Variants in HMMR observed in about 807,000 individuals in gnomAD.
HMMR encodes the protein hyaluronan mediated motility receptor.
Under a neutral mutation model 101.0 loss-of-function variants are expected in HMMR, and 108 were observed. That is an observed-to-expected ratio of 1.07 (90% CI 0.92 to 1.25). HMMR has a LOEUF of 1.25. Ranked by LOEUF, HMMR falls within the 50% of genes most tolerant of loss-of-function variation. The probability of loss-of-function intolerance (pLI) is 0.00; values close to 1 mark genes in which losing one functional copy is unlikely to be tolerated. For synonymous variants in HMMR, 296 were observed against 276.4 expected (o/e 1.07, Z -0.70); for missense variants, 813 against 788.7 (o/e 1.03, Z -0.37).
intron 16 of HMMR, among the ~76,000 whole-genome samples, chr5:163,489,760 T>C (rs299318): frequency 0.9 from 137,600 of 152,164 alleles, 62,729 homozygotes; most frequent in South Asian, 0.98. Flanking sequence ...AGGATATAAC[T>C]GCAGCCACAG....
intron 1 of HMMR, among the ~76,000 whole-genome samples, chr5:163,461,224 A>G (rs1483257582): frequency 6.6e-6 from 1 of 152,234 alleles, no homozygotes; most frequent in African/African-American, 2.4e-5. Flanking sequence ...AACATAAACA[A>G]TGAAGTTATG....
At position 163,471,416 on chromosome 5, in the gene HMMR, G is replaced by T; in HGVS notation, c.603G>T (p.Arg201Ser). The stretch of plus-strand genomic sequence containing the variant: ...AGATGAAGCTGCAGGTCACCCAAAG[G>T]AGTCTCGAAGAGTCTCAAGGGAAAA... Reference protein sequence around the residue: ...GMEMKLQVTQRSLEESQGKIA... With the variant: ...GMEMKLQVTQSSLEESQGKIA... The change falls in exon 7 of 18, where the codon AGG (arginine) becomes AGT (serine). Residue 201 changes from arginine (R) to serine (S), a missense_variant. By Grantham distance (110) the Arg-to-Ser change is moderately radical (BLOSUM62 -1). Transcript: ENST00000393915. 1 of 1,613,984 alleles carries T rather than the reference G, an allele frequency of 6.2e-7. No homozygotes were observed. The highest frequency in any genetic ancestry group is 8.5e-7 in the Non-Finnish European group (1 of 1,179,966).
intron 1 of HMMR, among the ~76,000 whole-genome samples, chr5:163,460,994 C>T (rs1034100165): frequency 1.3e-5 from 2 of 152,120 alleles, no homozygotes; most frequent in African/African-American, 2.4e-5. Flanking sequence ...CAATAAACAG[C>T]GGTAATGGAG....
intron 1 of HMMR, among the ~76,000 whole-genome samples, chr5:163,461,777 T>C (rs1318912846): frequency 6.6e-6 from 1 of 151,758 alleles, no homozygotes; most frequent in Non-Finnish European, 1.5e-5. Context: ...AGCAAGACTC[T>C]GTCTTACAGA....
intron 12 of HMMR, among the ~76,000 whole-genome samples, chr5:163,481,979 T>C (rs745950998): frequency 6.6e-6 from 1 of 152,130 alleles, no homozygotes; most frequent in Non-Finnish European, 1.5e-5. Context: ...GCAATGGCAC[T>C]ATCTCAGGTC....
intron 11 of HMMR, among the ~76,000 whole-genome samples, chr5:163,476,770 C>T (rs780100897): frequency 1.3e-4 from 20 of 152,202 alleles, no homozygotes; most frequent in Non-Finnish European, 1.6e-4. Context: ...TGGCTCACAC[C>T]TGTAATCCCA....
Position 163,473,533 on chromosome 5 carries a change from TGTC to T in HMMR, c.881_883del (p.Cys294_Gln295delinsTer). On this transcript the variant is annotated stop_gained and inframe_deletion, in exon 9 of 18. Transcript: ENST00000393915. LOFTEE classifies it high-confidence loss of function. ...ACAAGTAGAAGATCTAAATGTGAAA[TGTC>T]AGCTGCTTGAAAAAGAAAAAGGTAT... The T allele has an allele frequency of 1.3e-6, 2 of 1,575,636 alleles. No individual in the cohort carries two copies. The highest frequency in any genetic ancestry group is 1.7e-6 in the Non-Finnish European group (2 of 1,158,710).
At chr5:163,478,610 G>T in intron 11 of HMMR, 74 bp from the exon 12 acceptor site, 1 of 858,058 alleles carries the variant, frequency 1.2e-6, no homozygotes. Context: ...CAGTTTCAAA[G>T]GTAAATACTA....
chr5:163,480,145 T>G (rs1759207728), intron 12 of HMMR, among the ~76,000 whole-genome samples: 1 of 152,192 alleles, frequency 6.6e-6, no homozygotes, highest in African/African-American at 2.4e-5. Flanking sequence ...TATCCATATG[T>G]AAGTTCCTCT....
chr5:163,474,626 G>A (rs1310776876), intron 10 of HMMR: 1 of 455,110 alleles, frequency 2.2e-6, no homozygotes, highest in East Asian at 7.0e-5. Context: ...GGCATAGGAT[G>A]GAAACAGAGA....
chr5:163,482,765 G>A lies in HMMR; in HGVS notation c.1509G>A (p.Glu503=). ...EDVQHQILAT[E]SSNQEYVRML... is the part of the protein sequence containing the mutation. ...TTCAGCATCAGATTTTGGCAACTGA[G>A]AGCTCAAATCAAGAATATGTAAGGT... Residue 503 remains glutamate (E), a synonymous_variant, in exon 13 of 18, where the codon GAG becomes GAA. Coordinates refer to ENST00000393915, the MANE Select transcript of HMMR (RefSeq NM_001142556.2). 1 of 1,613,924 alleles carries A rather than the reference G, an allele frequency of 6.2e-7. No individual in the cohort carries two copies. Among genetic ancestry groups the A allele is most frequent in the Non-Finnish European group, 8.5e-7 (1 of 1,179,844 alleles).
chr5:163,484,393 TAG>T (rs1759398106), intron 16 of HMMR, 148 bp downstream of exon 16: 1 of 538,648 alleles, frequency 1.9e-6, no homozygotes, highest in Non-Finnish European at 3.3e-6. Flanking sequence ...GGATTTATTT[TAG>T]AGTGTTGACC....
At position 163,482,624 on chromosome 5, in the gene HMMR, T is replaced by C. The variant is rs1438598831; in HGVS notation, c.1386-18T>C. 7 of 1,575,714 alleles carry C rather than the reference T, an allele frequency of 4.4e-6. No homozygotes were observed. Among genetic ancestry groups the C allele is most frequent in the Admixed American group, 1.8e-5 (1 of 56,858 alleles). On this transcript the variant is annotated intron_variant, in intron 12 of 17. Transcript: ENST00000393915. Reference sequence around the variant, plus strand: ...AATAGTTAGAAAACTACTTTGACTTTTTTTTCTTTTTAATAAGCTATAAAG... The same window carrying C: ...AATAGTTAGAAAACTACTTTGACTTCTTTTTCTTTTTAATAAGCTATAAAG...
At chr5:163,474,586 A>G (rs1465086854) in intron 10 of HMMR, 1 of 455,882 alleles carries the variant, frequency 2.2e-6, no homozygotes, top group South Asian at 1.6e-5. Context: ...CATATCAGTG[A>G]GAAGAAAGAA....
chr5:163,467,539 A>G (rs994217290), intron 3 of HMMR, among the ~76,000 whole-genome samples, 162 bp from the exon 4 acceptor site: 7 of 152,202 alleles, frequency 4.6e-5, no homozygotes, highest in Non-Finnish European at 1.0e-4. Context: ...AGAATATTTT[A>G]TTTATCAGAT....
At position 163,474,124 on chromosome 5, in the gene HMMR, G is replaced by A. The variant is rs1758993128; in HGVS notation, c.972G>A (p.Gln324=). Reference sequence around the variant, plus strand: ...ATGCAGAGATGCAAAACTTAAAACAGAAGTTTATTCTTGAACAACAGGAAC... The same window carrying A: ...ATGCAGAGATGCAAAACTTAAAACAAAAGTTTATTCTTGAACAACAGGAAC... The part of the protein sequence containing the change: ...NLNAEMQNLK[Q]KFILEQQERE... Residue 324 remains glutamine (Q), a synonymous_variant, in exon 10 of 18, where the codon CAG becomes CAA. Transcript: ENST00000393915. 6.2e-7 allele frequency: 1 copy of A among 1,610,886 alleles called. No individual in the cohort carries two copies. Among genetic ancestry groups the A allele is most frequent in the African/African-American group, 1.3e-5 (1 of 74,970 alleles).
At chr5:163,478,834 G>T in intron 12 of HMMR, 34 bp downstream of exon 12, 1 of 1,143,604 alleles carries the variant, frequency 8.7e-7, no homozygotes, top group South Asian at 1.2e-5. Context: ...TCTTAAATAT[G>T]ATGTGTGCAG....
intron 4 of HMMR, among the ~76,000 whole-genome samples, chr5:163,469,014 A>T (rs746219877): frequency 6.6e-6 from 1 of 152,078 alleles, no homozygotes; most frequent in Non-Finnish European, 1.5e-5. Context: ...AGCTAATTTG[A>T]ATTTGTGTAA....
rs752555671 is a variant in HMMR at position 163,483,293 on chromosome 5, G to A, written c.1711G>A (p.Ala571Thr). 1 of 1,609,234 alleles carries A rather than the reference G, an allele frequency of 6.2e-7. No homozygotes were observed. Among genetic ancestry groups the A allele is most frequent in the East Asian group, 2.2e-5 (1 of 44,784 alleles). The stretch of plus-strand genomic sequence containing the variant: ...AAAAGCTGAAAAAGAAAATACAACA[G>A]CAGAATTAACTGAAGAAATTAACAA... The part of the protein sequence containing the change: ...GRKAEKENTT[A>T]ELTEEINKWR... The change falls in exon 15 of 18, where the codon GCA becomes ACA. Residue 571 changes from alanine (A) to threonine (T), a missense_variant. Transcript: ENST00000393915.
Sources: allele counts gnomAD v4.1 joint callset (sites outside exome capture counted in the v4.1 genomes callset), GRCh38; gene constraint gnomAD v4.1.1; transcripts MANE v1.5; gene names NCBI Gene and HGNC (gene_info 2026-07-23, HGNC 2026-07-21).